Variants in TRAPPC8 observed in about 807,000 individuals in gnomAD.
TRAPPC8 encodes trafficking protein particle complex subunit 8.
Under a neutral mutation model 174.3 loss-of-function variants are expected in TRAPPC8, and 54 were observed. The ratio of observed to expected loss-of-function variants is 0.31; its 90% confidence interval spans 0.25 to 0.39. The LOEUF (loss-of-function observed/expected upper bound fraction) is 0.39. Among genes scored for constraint, TRAPPC8 ranks in the 10% least tolerant of loss-of-function variants. TRAPPC8 has a pLI of 1.00. For synonymous variants in TRAPPC8, 630 were observed against 579.9 expected (o/e 1.09, Z -1.24); for missense variants, 1,531 against 1,699.1 (o/e 0.90, Z 1.74).
intron 1 of TRAPPC8, among the ~76,000 whole-genome samples, chr18:31,941,508 C>G (rs1333525837): frequency 6.6e-6 from 1 of 152,078 alleles, no homozygotes; most frequent in Non-Finnish European, 1.5e-5. Context: ...GCTCTTAAGT[C>G]CAACACTGAA....
chr18:31,887,603 G>A (rs567056413), intron 12 of TRAPPC8, among the ~76,000 whole-genome samples: 3 of 146,332 alleles, frequency 2.1e-5, no homozygotes, highest in Admixed American at 7.0e-5. Context: ...CCGAGATCAC[G>A]CCATTGCACT....
At chr18:31,910,026 T>C (rs2036840776) in intron 5 of TRAPPC8, among the ~76,000 whole-genome samples, 1 of 152,140 alleles carries the variant, frequency 6.6e-6, no homozygotes, top group Non-Finnish European at 1.5e-5. Flanking sequence ...TCTCAGGATA[T>C]CTACTTATAT....
At chr18:31,852,552 T>C (rs1197037724) in intron 23 of TRAPPC8, 43 bp downstream of exon 23, 2 of 1,613,642 alleles carry the variant, frequency 1.2e-6, no homozygotes, top group Admixed American at 1.7e-5. Flanking sequence ...GCATAAAATA[T>C]AAAATGACCA....
chr18:31,933,278 G>GC (rs2037932724), intron 1 of TRAPPC8, among the ~76,000 whole-genome samples: 1 of 144,782 alleles, frequency 6.9e-6, no homozygotes, highest in African/African-American at 2.6e-5. Context: ...TCCAGCCTGG[G>GC]CAACAGAGCG....
intron 2 of TRAPPC8, among the ~76,000 whole-genome samples, chr18:31,928,390 T>A (rs2145611150): frequency 6.6e-6 from 1 of 150,784 alleles, no homozygotes; most frequent in Middle Eastern, 3.4e-3. Flanking sequence ...CCAAGCATAG[T>A]ACACACCTAT....
chr18:31,881,786 C>T (rs981264677), intron 12 of TRAPPC8, among the ~76,000 whole-genome samples: 1 of 151,306 alleles, frequency 6.6e-6, no homozygotes, highest in Non-Finnish European at 1.5e-5. Context: ...TAACTTAAAT[C>T]AAGAAAAAAA....
chr18:31,835,307 G>A (rs550548437), intron 27 of TRAPPC8, among the ~76,000 whole-genome samples: 9 of 152,252 alleles, frequency 5.9e-5, no homozygotes, highest in East Asian at 1.9e-4. Flanking sequence ...CTATTCTCTC[G>A]CTACCCTCCT....
intron 1 of TRAPPC8, among the ~76,000 whole-genome samples, chr18:31,933,121 GA>G (rs1459866757): frequency 6.6e-6 from 1 of 151,652 alleles, no homozygotes; most frequent in African/African-American, 2.4e-5. Context: ...CTAACACGGT[GA>G]AACCCTGTCT....
chr18:31,873,175 G>A (rs759499923), intron 14 of TRAPPC8, among the ~76,000 whole-genome samples: 2 of 151,568 alleles, frequency 1.3e-5, no homozygotes, highest in Admixed American at 6.6e-5. Context: ...GTGCCACCAC[G>A]CCCAGCTAAT....
intron 17 of TRAPPC8, 54 bp downstream of exon 17, chr18:31,867,348 G>T: frequency 8.2e-7 from 1 of 1,217,770 alleles, no homozygotes; most frequent in South Asian, 1.3e-5. Flanking sequence ...TTAAAAATTT[G>T]TTTTCACCTT....
At chr18:31,837,444 C>CT (rs2144944969) in intron 27 of TRAPPC8, among the ~76,000 whole-genome samples, 1 of 152,268 alleles carries the variant, frequency 6.6e-6, no homozygotes, top group African/African-American at 2.4e-5. Context: ...CGCCTGTGAT[C>CT]CCAGCACTTT....
chr18:31,857,917 A>G lies in TRAPPC8; in HGVS notation c.2811T>C (p.Phe937=), dbSNP rs1315967620. 1.2e-6 allele frequency: 2 copies of G among 1,614,220 alleles called. No individual in the cohort carries two copies. The highest frequency in any genetic ancestry group is 1.1e-5 in the South Asian group (1 of 91,084). ...TAAGTGGACATTTGCTGACATTGAC[A>G]AATTCTACATATGCTTTTCGGATTT... ...CGEIRKAYVE[F]VNVSKCPLTG... The change falls in exon 20 of 29, where the codon TTT becomes TTC. Residue 937 remains phenylalanine (F), a synonymous_variant. Coordinates refer to ENST00000283351, the MANE Select transcript of TRAPPC8 (RefSeq NM_014939.5).
intron 13 of TRAPPC8, 193 bp downstream of exon 13, chr18:31,874,287 T>C (rs2035032806): frequency 3.7e-6 from 2 of 547,342 alleles, no homozygotes; most frequent in Admixed American, 6.7e-5. Flanking sequence ...ATATTAAAAT[T>C]CTCTTTTCAA....
intron 2 of TRAPPC8, among the ~76,000 whole-genome samples, chr18:31,918,477 T>C (rs78479910): frequency 0.06 from 9,121 of 152,200 alleles, 293 homozygotes; most frequent in Middle Eastern, 0.11. Context: ...TCTCAAGATA[T>C]TTTTCGTTAT....
chr18:31,907,692 G>A, intron 8 of TRAPPC8, 82 bp from the exon 9 acceptor site: 1 of 1,187,750 alleles, frequency 8.4e-7, no homozygotes, highest in African/African-American at 1.6e-5. Flanking sequence ...AAGCTGCCAT[G>A]TTCTTCTAGA....
Position 31,890,767 on chromosome 18 carries a change from A to C in TRAPPC8, c.1696T>G (p.Leu566Val), listed in dbSNP as rs2035919978. 1 of 1,612,188 alleles carries C rather than the reference A, an allele frequency of 6.2e-7. No individual in the cohort carries two copies. The highest frequency in any genetic ancestry group is 2.2e-5 in the East Asian group (1 of 44,760). Reference protein sequence around the residue: ...MVRKYAFHMILAGHRFSKAGQ... With the variant: ...MVRKYAFHMIVAGHRFSKAGQ... ...GCTTTACTAAATCGATGGCCTGCCA[A>C]TATCATATGAAATGCATATTTTCTA... The change falls in exon 12 of 29, where the codon TTG becomes GTG. Residue 566 changes from leucine (L) to valine (V), a missense_variant. Leu to Val is a conservative substitution (Grantham distance 32, BLOSUM62 1). Coordinates refer to ENST00000283351, the MANE Select transcript of TRAPPC8 (RefSeq NM_014939.5).
chr18:31,895,656 A>G (rs1390356444), intron 11 of TRAPPC8: 4 of 152,244 alleles, frequency 2.6e-5, no homozygotes, highest in Non-Finnish European at 5.9e-5. Flanking sequence ...GAAGAAAAAA[A>G]GGAATTTTAT....
In TRAPPC8 at chr18:31,855,661, G is replaced by A. The variant is rs1259576871; in HGVS notation, c.3335C>T (p.Thr1112Ile). 6.3e-7 allele frequency: 1 copy of A among 1,588,534 alleles called. No homozygotes were observed. Among genetic ancestry groups the A allele is most frequent in the Non-Finnish European group, 8.5e-7 (1 of 1,173,650 alleles). ...LVFVDVENTN[T>I]SEAGVKEFHI... ...AAATTCAGTTTTAAACCAACTTACA[G>A]TATTGGTATTTTCCACATCCACAAA... The change falls in exon 21 of 29, where the codon ACT becomes ATT. Residue 1112 changes from threonine (T) to isoleucine (I), a missense_variant and splice_region_variant. Transcript: ENST00000283351.
intron 26 of TRAPPC8, among the ~76,000 whole-genome samples, chr18:31,845,331 C>T (rs900740406): frequency 6.6e-6 from 1 of 152,024 alleles, no homozygotes; most frequent in Non-Finnish European, 1.5e-5. Flanking sequence ...AAGCATGATC[C>T]TGAACTGGAT....
Sources: gnomAD v4.1 joint callset for allele counts (sites outside exome capture counted in the v4.1 genomes callset) on GRCh38, gnomAD v4.1.1 for gene constraint, MANE v1.5 for transcripts, NCBI Gene and HGNC (gene_info 2026-07-23, HGNC 2026-07-21) for gene names.